The following COL18A1 variants were observed in gnomAD, a reference collection of about 807,000 sequenced individuals.
The protein encoded by COL18A1 is collagen type XVIII alpha 1 chain.
A neutral mutation model predicts 168.0 loss-of-function variants in COL18A1; 133 were observed. The observed-to-expected ratio is 0.79, with a 90% CI of 0.69 to 0.91. The LOEUF (loss-of-function observed/expected upper bound fraction) is 0.91. COL18A1 is among the 40% of genes least tolerant of loss of function. COL18A1 has a pLI of 0.00. For synonymous variants in COL18A1, 949 were observed against 809.0 expected, an observed-to-expected ratio of 1.17 and a Z score of -2.94; for missense variants, 2,126 against 1,925.4, an observed-to-expected ratio of 1.10 and a Z score of -1.95.
chr21:45,493,285 G>A, intron 25 of COL18A1, 60 bp downstream of exon 25: 1 of 1,528,430 alleles, frequency 6.5e-7, no homozygotes, highest in Non-Finnish European at 8.9e-7. Flanking sequence ...GCTCCAGCCT[G>A]CCCAGATGAC....
chr21:45,493,972 C>T (rs777116589), intron 26 of COL18A1: 5 of 288,854 alleles, frequency 1.7e-5, no homozygotes, highest in Non-Finnish European at 2.6e-5. Context: ...GGGCAGGGCC[C>T]GGAGTCAGTT....
intron 3 of COL18A1, among the ~76,000 whole-genome samples, chr21:45,469,493 C>T (rs957419972): frequency 3.3e-5 from 5 of 152,248 alleles, no homozygotes; most frequent in East Asian, 1.9e-4. Flanking sequence ...AGTCCCCCAG[C>T]GGTGAACGCA....
In COL18A1 at chr21:45,493,035, C is replaced by T. The variant is rs534271781; in HGVS notation, c.2215-128C>T. 870 of 993,202 alleles carry T rather than the reference C, an allele frequency of 8.8e-4. 2 individuals are homozygous for T. Among genetic ancestry groups the T allele is most frequent in the Admixed American group, 1.2e-3 (61 of 49,818 alleles). The allele number at this position is 993,202 out of a possible 1,614,324, so 61.5% of individuals were successfully genotyped here. A position where few individuals can be genotyped will look rare whatever the true frequency, so the allele number is the denominator to read the frequency against. The stretch of plus-strand genomic sequence containing the variant: ...AGTGTCCAGAGTGAGGCTGGGGCCG[C>T]GAGGGGCCCTGGTCGGGCTGTCGAG... On this transcript the variant is annotated intron_variant, in intron 24 of 41. Transcript: ENST00000651438.
chr21:45,499,403 G>T (rs2036659266), intron 32 of COL18A1, among the ~76,000 whole-genome samples: 1 of 151,340 alleles, frequency 6.6e-6, no homozygotes, highest in East Asian at 2.0e-4. Flanking sequence ...GCCCCACATG[G>T]CATCCCAGGA....
intron 26 of COL18A1, chr21:45,494,152 C>G: frequency 2.5e-6 from 1 of 393,872 alleles, no homozygotes; most frequent in Non-Finnish European, 4.8e-6. Flanking sequence ...GCCTCAGACA[C>G]AGGATCCCCA....
chr21:45,467,631 C>T (rs1284338666), intron 2 of COL18A1, among the ~76,000 whole-genome samples: 1 of 152,212 alleles, frequency 6.6e-6, no homozygotes, highest in African/African-American at 2.4e-5. Context: ...GGGCGACGCC[C>T]CGTAGCCGAG....
chr21:45,456,320 C>T (rs2034811915), intron 2 of COL18A1: 1 of 1,551,122 alleles, frequency 6.4e-7, no homozygotes, highest in African/African-American at 1.4e-5. Flanking sequence ...CACGCCACTT[C>T]TGCACCCCCT....
chr21:45,428,524 C>T (rs8134951), intron 2 of COL18A1, among the ~76,000 whole-genome samples: 6,539 of 152,304 alleles, frequency 0.043, 430 homozygotes, highest in African/African-American at 0.15. Context: ...GCGAACAATT[C>T]GGTGACATTT....
intron 11 of COL18A1, 64 bp downstream of exon 11, chr21:45,480,220 C>G (rs1487683745): frequency 8.6e-7 from 1 of 1,165,646 alleles, no homozygotes; most frequent in Non-Finnish European, 1.3e-6. Context: ...GGCACTGCCT[C>G]TGGCCCAGAA....
In COL18A1 at chr21:45,504,055, G is replaced by A; in HGVS notation, c.2727+1G>A. ...TCTTCAGTTGGAGGCTGAAATGAAGGTGGGTGACCTCCCTGTGGGGTTGGG... is the reference window on the plus strand; with the variant it reads ...TCTTCAGTTGGAGGCTGAAATGAAGATGGGTGACCTCCCTGTGGGGTTGGG... On this transcript the variant is annotated splice_donor_variant, in intron 33 of 41. Coordinates refer to ENST00000651438, the MANE Select transcript of COL18A1 (RefSeq NM_001379500.1). LOFTEE classifies it high-confidence loss of function. 6.2e-7 allele frequency: 1 copy of A among 1,613,638 alleles called. No individual in the cohort carries two copies. The highest frequency in any genetic ancestry group is 8.5e-7 in the Non-Finnish European group (1 of 1,179,972).
chr21:45,491,150 C>T, intron 21 of COL18A1, 75 bp from the exon 22 acceptor site: 3 of 1,350,128 alleles, frequency 2.2e-6, no homozygotes, highest in Admixed American at 3.4e-5. Context: ...GCACCCCCTC[C>T]AGGGCTGGGT....
intron 37 of COL18A1, 37 bp from the exon 38 acceptor site, chr21:45,507,524 G>C (rs1038543622): frequency 6.2e-7 from 1 of 1,607,748 alleles, no homozygotes; most frequent in African/African-American, 1.3e-5. Flanking sequence ...CTCAGGCCCA[G>C]CCGCAGGTCC....
rs748013790 is a variant in COL18A1, at chr21:45,507,637, A to G, written c.3249+44A>G. ...GTTGAGACTGGTGGGTGGTCAGGAC[A>G]TGAGGGGGTATGTGCTGTCCCCTGT... is the stretch of plus-strand genomic sequence containing the variant. On this transcript the variant is annotated intron_variant, in intron 38 of 41. Transcript: ENST00000651438. 1.5e-5 allele frequency: 24 copies of G among 1,571,472 alleles called. No individual in the cohort carries two copies. In the Admixed American group the frequency reaches 2.5e-4, roughly 17 times the overall value.
chr21:45,472,676 G>T (rs1314192048), intron 3 of COL18A1, among the ~76,000 whole-genome samples: 1 of 152,166 alleles, frequency 6.6e-6, no homozygotes, highest in Admixed American at 6.5e-5. Flanking sequence ...CGACCTGGGG[G>T]CACTGTAGGC....
rs894151180 is a variant in COL18A1 at position 45,497,049 on chromosome 21, G to T, written c.2578-1G>T. ...CAGCCGCCTCTCCCCGTTCCTTGCAGGTGTTTGCTGAGTCCAGCCGCCCCG... is the reference window on the plus strand; with the variant it reads ...CAGCCGCCTCTCCCCGTTCCTTGCATGTGTTTGCTGAGTCCAGCCGCCCCG... On this transcript the variant is annotated splice_acceptor_variant, in intron 30 of 41. Transcript: ENST00000651438. LOFTEE classifies it high-confidence loss of function. 3.1e-6 allele frequency: 5 copies of T among 1,603,086 alleles called. No individual in the cohort carries two copies. The highest frequency in any genetic ancestry group is 1.7e-6 in the Non-Finnish European group (2 of 1,174,240).
rs763704721 is a variant in COL18A1, at chr21:45,475,482, G to A, written c.745G>A (p.Gly249Arg). ...EEGDDSDGASGDSGSGLGDAR... is the reference protein window; with the variant it reads ...EEGDDSDGASRDSGSGLGDAR... ...CCCTTTTCAAACTCCTCAGGCATCC[G>A]GAGACTCTGGCAGCGGGCTCGGGGA... The change falls in exon 5 of 42, where the codon GGA (glycine) becomes AGA (arginine). Residue 249 changes from glycine to arginine, a missense_variant. Physicochemically the swap from Gly to Arg is moderately radical, Grantham distance 125. Transcript: ENST00000651438. The A allele has an allele frequency of 3.1e-6, 5 of 1,603,742 alleles. No homozygotes were observed. Among genetic ancestry groups the A allele is most frequent in the East Asian group, 2.2e-5 (1 of 44,538 alleles).
chr21:45,482,162 T>C lies in COL18A1; in HGVS notation c.1674+137T>C. The C allele has an allele frequency of 1.8e-5, 13 of 707,962 alleles. No homozygotes were observed. The South Asian group carries it at 2.0e-4, about 11-fold the overall frequency. The allele number at this position is 707,962 out of a possible 1,614,324, so 43.9% of individuals were successfully genotyped here. A position where few individuals can be genotyped will look rare whatever the true frequency, so the allele number is the denominator to read the frequency against. On this transcript the variant is annotated intron_variant, in intron 14 of 41. Coordinates refer to ENST00000651438, the MANE Select transcript of COL18A1 (RefSeq NM_001379500.1). ...CATCACAGCCCCACAGCCTGGGGCC[T>C]CGCGCTCTGGAGGTCACCCTGACCT... is the stretch of plus-strand genomic sequence containing the variant.
chr21:45,493,380 C>T, intron 25 of COL18A1, 121 bp from the exon 26 acceptor site: 10 of 1,285,236 alleles, frequency 7.8e-6, no homozygotes, highest in Non-Finnish European at 9.9e-6. Flanking sequence ...CCTGTGGTCA[C>T]CTCCCGTGAA....
At chr21:45,437,115 A>ACT (rs1487759022) in intron 2 of COL18A1, among the ~76,000 whole-genome samples, 5 of 88,774 alleles carry the variant, frequency 5.6e-5, no homozygotes, top group African/African-American at 7.1e-5. Flanking sequence ...ACACACACTC[A>ACT]CACACAGACA....
Sources: gnomAD v4.1 joint callset for allele counts (sites outside exome capture counted in the v4.1 genomes callset) on GRCh38, gnomAD v4.1.1 for gene constraint, MANE v1.5 for transcripts, NCBI Gene and HGNC (gene_info 2026-07-23, HGNC 2026-07-21) for gene names.